CPVL: variants seen among roughly 807,000 people sequenced by gnomAD.
CPVL encodes the protein probable serine carboxypeptidase CPVL.
In CPVL, 51 loss-of-function variants were observed where a neutral mutation model predicts 63.7. The observed-to-expected ratio is 0.80, with a 90% confidence interval of 0.64 to 1.01. The LOEUF is 1.01. CPVL is among the 50% of genes least tolerant of loss of function. CPVL has a pLI of 0.00. For missense variants in CPVL, 530 were observed against 573.1 expected, an observed-to-expected ratio of 0.92 and a Z score of 0.77; for synonymous variants, 195 against 206.0, an observed-to-expected ratio of 0.95 and a Z score of 0.46.
intron 11 of CPVL, among the ~76,000 whole-genome samples, chr7:29,038,889 T>G (rs1358977035): frequency 6.6e-6 from 1 of 152,158 alleles, no homozygotes; most frequent in African/African-American, 2.4e-5. Context: ...TGCTCACTTG[T>G]GTATGTAGTG....
chr7:29,006,903 C>T (rs960519509), intron 12 of CPVL, among the ~76,000 whole-genome samples: 9 of 98,258 alleles, frequency 9.2e-5, no homozygotes, highest in Admixed American at 4.2e-4. Flanking sequence ...CTCCATCTTC[C>T]GCCTTATTTG....
intron 2 of CPVL, 88 bp downstream of exon 2, chr7:29,120,805 C>T (rs929839941): frequency 8.1e-5 from 107 of 1,314,332 alleles, no homozygotes; most frequent in Non-Finnish European, 1.0e-4. Context: ...TAGTGACAGG[C>T]GAGACTTCGT....
At chr7:29,099,534 A>G (rs1786852638) in intron 3 of CPVL, among the ~76,000 whole-genome samples, 1 of 152,170 alleles carries the variant, frequency 6.6e-6, no homozygotes, top group African/African-American at 2.4e-5. Context: ...CAATATGGTG[A>G]AACCGCATCT....
At chr7:29,004,747 C>T (rs937400646) in intron 12 of CPVL, among the ~76,000 whole-genome samples, 56 of 152,218 alleles carry the variant, frequency 3.7e-4, no homozygotes, top group African/African-American at 1.3e-3. Flanking sequence ...TTTCTGGGAA[C>T]ATAGGGCTTT....
intron 1 of CPVL, among the ~76,000 whole-genome samples, chr7:29,189,118 T>TC (rs1394282702): frequency 5.9e-5 from 9 of 151,960 alleles, no homozygotes; most frequent in Non-Finnish European, 1.2e-4. Flanking sequence ...GCCTGGCTAA[T>TC]TTTTATATTT....
At chr7:29,063,431 G>T (rs1161305553) in intron 11 of CPVL, among the ~76,000 whole-genome samples, 1 of 152,132 alleles carries the variant, frequency 6.6e-6, no homozygotes, top group Non-Finnish European at 1.5e-5. Flanking sequence ...ACACATAAGA[G>T]AAATCTGGCT....
rs553131847 is a variant in CPVL, at chr7:29,168,918, C to T, written c.-11+12372G>A. Among the ~76,000 whole-genome samples the T allele has an allele frequency of 2.4e-3, 365 of 152,152 alleles. 1 individual carries two copies. Among genetic ancestry groups the T allele is most frequent in the African/African-American group, 8.4e-3 (348 of 41,530 alleles). On this transcript the variant is annotated intron_variant, in intron 5 of 16. Coordinates refer to the CPVL transcript ENST00000409850. ...CTAAGAGGTATGAACTATTTCTATT[C>T]GCCATGTTTTAAGTAATACCCAGCC...
intron 5 of CPVL, among the ~76,000 whole-genome samples, chr7:29,161,192 T>C (rs1795130497): frequency 6.6e-6 from 1 of 152,176 alleles, no homozygotes; most frequent in Admixed American, 6.5e-5. Context: ...ACATTAGCCT[T>C]GACCAGGCTC....
intron 5 of CPVL, among the ~76,000 whole-genome samples, chr7:29,171,831 T>C (rs1202046079): frequency 1.3e-5 from 2 of 152,222 alleles, no homozygotes; most frequent in Non-Finnish European, 2.9e-5. Flanking sequence ...ATGAAGTTGT[T>C]GTAGCTGAAG....
Position 29,072,355 on chromosome 7 carries a change from C to T in CPVL, c.678G>A (p.Val226=). The T allele has an allele frequency of 6.2e-7, 1 of 1,614,090 alleles. No homozygotes were observed. Among genetic ancestry groups the T allele is most frequent in the South Asian group, 1.1e-5 (1 of 91,072 alleles). The part of the protein sequence containing the change: ...LIHSLNPVRE[V]KINLNGIAIG... ...TAGCAATTCCGTTCAGGTTGATCTT[C>T]ACCTCTCTCACAGGGTTGAGGGAAT... The change falls in exon 8 of 13, where the codon GTG becomes GTA. Residue 226 remains valine, a synonymous_variant. Transcript: ENST00000265394.
chr7:29,005,202 T>C (rs1419809794), intron 12 of CPVL, among the ~76,000 whole-genome samples: 1 of 152,152 alleles, frequency 6.6e-6, no homozygotes, highest in African/African-American at 2.4e-5. Flanking sequence ...ATTACAAATA[T>C]GTCTTAAGTT....
rs750262316 is a variant in CPVL at position 28,995,615 on chromosome 7, A to C, written c.*157T>G. On this transcript the variant is annotated 3_prime_UTR_variant, in exon 13 of 13. Coordinates refer to ENST00000265394, the MANE Select transcript of CPVL (RefSeq NM_031311.5). ...AATTTTGTAGTAAACATCTCCCCCCAAAAACAAAAGCTCACTTGTTTCAAG... is the reference window on the plus strand; with the variant it reads ...AATTTTGTAGTAAACATCTCCCCCCCAAAACAAAAGCTCACTTGTTTCAAG... The C allele has an allele frequency of 1.3e-5, 8 of 607,038 alleles. No individual in the cohort carries two copies. Among genetic ancestry groups the C allele is most frequent in the Non-Finnish European group, 2.3e-5 (8 of 350,448 alleles). 37.6% of individuals were successfully genotyped at this position (607,038 alleles called of 1,614,324 possible).
At position 29,112,799 on chromosome 7, in the gene CPVL, G is replaced by C. The variant is rs749175158; in HGVS notation, c.193C>G (p.Pro65Ala). ...QKGRELSLVG[P>A]FPGLNMKSYA... ...CTCTTCATGTTCAGTCCTGGGAAAG[G>C]GCCGACCAAACTCAATTCTCTTCCT... is the stretch of plus-strand genomic sequence containing the variant. The change falls in exon 3 of 13, where the codon CCT becomes GCT. Residue 65 changes from proline (P) to alanine (A), a missense_variant. Pro to Ala is a conservative substitution (Grantham distance 27, BLOSUM62 -1). Coordinates refer to ENST00000265394, the MANE Select transcript of CPVL (RefSeq NM_031311.5). 1 of 1,613,278 alleles carries C rather than the reference G, an allele frequency of 6.2e-7. No homozygotes were observed. The highest frequency in any genetic ancestry group is 8.5e-7 in the Non-Finnish European group (1 of 1,179,696).
chr7:29,152,993 T>G (rs1200922552), intron 5 of CPVL, among the ~76,000 whole-genome samples: 4 of 152,346 alleles, frequency 2.6e-5, no homozygotes, highest in Non-Finnish European at 5.9e-5. Flanking sequence ...AAGGCCATGC[T>G]TACAGAGCTG....
intron 11 of CPVL, among the ~76,000 whole-genome samples, chr7:29,054,877 T>C (rs751070344): frequency 6.6e-6 from 1 of 152,240 alleles, no homozygotes; most frequent in Non-Finnish European, 1.5e-5. Flanking sequence ...CAGCACTGTC[T>C]AATCTACTCT....
At chr7:29,128,978 T>C (rs932369711) in intron 1 of CPVL, among the ~76,000 whole-genome samples, 1 of 151,692 alleles carries the variant, frequency 6.6e-6, no homozygotes. Flanking sequence ...GCTCCTAGAG[T>C]CTTATCTTCC....
chr7:29,104,360 A>G (rs550606884), intron 3 of CPVL, among the ~76,000 whole-genome samples: 1 of 152,310 alleles, frequency 6.6e-6, no homozygotes, highest in South Asian at 2.1e-4. Context: ...TTCCCAGTGC[A>G]AGCGATTCTC....
intron 5 of CPVL, among the ~76,000 whole-genome samples, chr7:29,093,155 G>A (rs1786004105): frequency 1.3e-5 from 2 of 152,006 alleles, no homozygotes; most frequent in African/African-American, 4.8e-5. Context: ...GGAGGCTGAG[G>A]CGGGCGGAAC....
At chr7:29,115,399 G>A (rs956200704) in intron 2 of CPVL, among the ~76,000 whole-genome samples, 3 of 152,148 alleles carry the variant, frequency 2.0e-5, no homozygotes, top group African/African-American at 7.2e-5. Context: ...GAAAAAGAGA[G>A]AGAGGTGAGG....
Sources: allele counts gnomAD v4.1 joint callset (sites outside exome capture counted in the v4.1 genomes callset), GRCh38; gene constraint gnomAD v4.1.1; transcripts MANE v1.5; gene names NCBI Gene and HGNC (gene_info 2026-07-23, HGNC 2026-07-21).